Variants in CCDC91 observed in about 807,000 individuals in gnomAD.
CCDC91 encodes the protein coiled-coil domain-containing protein 91.
In CCDC91, 48 loss-of-function variants were observed where a neutral mutation model predicts 63.2. The ratio of observed to expected loss-of-function variants is 0.76; its 90% confidence interval spans 0.60 to 0.97. The LOEUF (loss-of-function observed/expected upper bound fraction) is 0.97. Among genes scored for constraint, CCDC91 ranks in the 50% least tolerant of loss-of-function variants. The pLI is 0.00. For synonymous variants in CCDC91, 167 were observed against 165.8 expected (o/e 1.01, Z -0.06); for missense variants, 500 against 494.6 (o/e 1.01, Z -0.10).
At chr12:28,526,152 C>A (rs1321036188) in intron 12 of CCDC91, among the ~76,000 whole-genome samples, 3 of 150,642 alleles carry the variant, frequency 2.0e-5, no homozygotes, top group Non-Finnish European at 4.4e-5. Flanking sequence ...TGCCTGTATA[C>A]CTTGGTTTTT....
intron 8 of CCDC91, among the ~76,000 whole-genome samples, chr12:28,447,935 CATCTT>C (rs1232179255): frequency 6.6e-6 from 1 of 151,594 alleles, no homozygotes; most frequent in Non-Finnish European, 1.5e-5. Flanking sequence ...GTTCAGGAAA[CATCTT>C]ATTTTAATAA....
At chr12:28,304,843 A>G (rs1256781352) in intron 3 of CCDC91, 2 of 308,932 alleles carry the variant, frequency 6.5e-6, no homozygotes, top group Admixed American at 4.7e-5. Flanking sequence ...ATCAAGTAAT[A>G]TATGTACGAC....
At chr12:28,475,219 GCCTT>G (rs577759150) in intron 11 of CCDC91, among the ~76,000 whole-genome samples, 37 of 152,048 alleles carry the variant, frequency 2.4e-4, no homozygotes, top group Non-Finnish European at 4.4e-4. Context: ...CTAACTTACT[GCCTT>G]CCTTCATTTT....
intron 7 of CCDC91, among the ~76,000 whole-genome samples, chr12:28,368,765 A>G (rs1277280439): frequency 6.6e-6 from 1 of 152,128 alleles, no homozygotes; most frequent in Non-Finnish European, 1.5e-5. Flanking sequence ...CTGGCTTACA[A>G]TCATTGCAGA....
chr12:28,378,720 G>T (rs1440231027), intron 7 of CCDC91, among the ~76,000 whole-genome samples: 1 of 152,006 alleles, frequency 6.6e-6, no homozygotes, highest in Non-Finnish European at 1.5e-5. Flanking sequence ...CATATGATCA[G>T]ATTTTTCCTG....
chr12:28,513,470 A>G (rs543525687), intron 12 of CCDC91, among the ~76,000 whole-genome samples: 7 of 151,996 alleles, frequency 4.6e-5, no homozygotes, highest in Admixed American at 4.6e-4. Flanking sequence ...GAGAATCCTC[A>G]TGGGGATATT....
intron 2 of CCDC91, among the ~76,000 whole-genome samples, chr12:28,258,965 G>A (rs1052090471): frequency 6.6e-6 from 1 of 151,930 alleles, no homozygotes; most frequent in African/African-American, 2.4e-5. Context: ...ATTGGGTCTT[G>A]TGCTAATTAA....
chr12:28,391,235 T>C, intron 7 of CCDC91, 69 bp from the exon 8 acceptor site: 2 of 868,788 alleles, frequency 2.3e-6, no homozygotes, highest in Admixed American at 3.8e-5. Flanking sequence ...CTGTCAAAAA[T>C]ATTCTCGTGC....
At chr12:28,300,502 G>C (rs1449179817) in intron 3 of CCDC91, among the ~76,000 whole-genome samples, 1 of 141,728 alleles carries the variant, frequency 7.1e-6, no homozygotes, top group African/African-American at 2.4e-5. Flanking sequence ...AGCAAATTTT[G>C]ATAAATAGTA....
intron 8 of CCDC91, among the ~76,000 whole-genome samples, chr12:28,392,385 G>A (rs1330485412): frequency 6.6e-6 from 1 of 152,004 alleles, no homozygotes. Flanking sequence ...GTCTGTCTTG[G>A]GGCCCTGTCT....
intron 12 of CCDC91, among the ~76,000 whole-genome samples, chr12:28,506,662 C>G (rs368871572): frequency 6.6e-5 from 10 of 151,944 alleles, no homozygotes; most frequent in African/African-American, 2.4e-4. Context: ...GCTAGTAGTT[C>G]AGATCCTGTT....
chr12:28,381,068 T>A (rs1182573859), intron 7 of CCDC91, among the ~76,000 whole-genome samples: 1 of 152,166 alleles, frequency 6.6e-6, no homozygotes, highest in Non-Finnish European at 1.5e-5. Context: ...AAGATGATGG[T>A]CTGTAAAAGT....
At chr12:28,318,386 G>GAAATTAGC (rs1940129602) in intron 6 of CCDC91, among the ~76,000 whole-genome samples, 1 of 151,028 alleles carries the variant, frequency 6.6e-6, no homozygotes, top group South Asian at 2.1e-4. Context: ...ACCAAAAAAC[G>GAAATTAGC]AAATTAGCTG....
intron 12 of CCDC91, among the ~76,000 whole-genome samples, chr12:28,545,197 C>G (rs534739552): frequency 9.9e-5 from 15 of 152,166 alleles, no homozygotes; most frequent in African/African-American, 3.6e-4. Context: ...TACTATGTCA[C>G]AGAATACAAA....
chr12:28,486,116 C>T (rs1282276026), intron 12 of CCDC91, among the ~76,000 whole-genome samples: 6 of 152,128 alleles, frequency 3.9e-5, no homozygotes, highest in Non-Finnish European at 7.4e-5. Context: ...AAACTTTATG[C>T]CATTGTTTGG....
chr12:28,416,446 T>G (rs1173168930), intron 8 of CCDC91, among the ~76,000 whole-genome samples: 3 of 152,010 alleles, frequency 2.0e-5, no homozygotes, highest in African/African-American at 7.2e-5. Flanking sequence ...ACTACTGCAA[T>G]AGAAGAAAGA....
chr12:28,209,530 A>G (rs1268598044), intron 1 of CCDC91, among the ~76,000 whole-genome samples: 1 of 151,946 alleles, frequency 6.6e-6, no homozygotes, highest in Non-Finnish European at 1.5e-5. Context: ...CCCTGGGTTC[A>G]AGTGATTCTC....
At chr12:28,312,549 G>A (rs1592276583) in intron 6 of CCDC91, among the ~76,000 whole-genome samples, 1 of 152,070 alleles carries the variant, frequency 6.6e-6, no homozygotes, top group South Asian at 2.1e-4. Context: ...TTAGGAATAA[G>A]AGATGTGATT....
At chr12:28,206,735 C>G (rs1226099055) in intron 1 of CCDC91, among the ~76,000 whole-genome samples, 2 of 152,214 alleles carry the variant, frequency 1.3e-5, no homozygotes, top group Non-Finnish European at 2.9e-5. Flanking sequence ...TACTATTTAG[C>G]ATGACTTTTA....
Sources: gnomAD v4.1 joint callset for allele counts (sites outside exome capture counted in the v4.1 genomes callset) on GRCh38, gnomAD v4.1.1 for gene constraint, MANE v1.5 for transcripts, NCBI Gene and HGNC (gene_info 2026-07-23, HGNC 2026-07-21) for gene names.